The following CNTLN variants were observed in gnomAD, a reference collection of about 807,000 sequenced individuals.
The protein encoded by CNTLN is centlein, centrosomal protein.
Under a neutral mutation model 180.0 loss-of-function variants are expected in CNTLN, and 212 were observed. The observed-to-expected ratio is 1.18, with a 90% CI of 1.05 to 1.32. CNTLN has a LOEUF of 1.32. CNTLN is among the 40% of genes most tolerant of loss of function. CNTLN has a pLI of 0.00. For missense variants in CNTLN, 2,095 were observed against 1,610.9 expected (o/e 1.30, Z -5.14); for synonymous variants, 722 against 563.1 (o/e 1.28, Z -3.99).
chr9:17,264,100 A>T (rs984960006), intron 5 of CNTLN, among the ~76,000 whole-genome samples: 3 of 144,554 alleles, frequency 2.1e-5, no homozygotes, highest in Non-Finnish European at 4.5e-5. Context: ...TTGTTGTTTC[A>T]GACATGAAGT....
rs182613680 is a variant in CNTLN, at chr9:17,259,204, A to G, written c.850-14529A>G. Reference sequence around the variant, plus strand: ...ATGAAGGGTTGTTGAATTTTGTACAAAGGCCTTTTCTGCATCTATTGAGAT... The same window carrying G: ...ATGAAGGGTTGTTGAATTTTGTACAGAGGCCTTTTCTGCATCTATTGAGAT... On this transcript the variant is annotated intron_variant, in intron 5 of 25. Coordinates refer to ENST00000380647, the MANE Select transcript of CNTLN (RefSeq NM_017738.4). Among the ~76,000 whole-genome samples, 523 of 149,908 alleles carry G rather than the reference A, an allele frequency of 3.5e-3. 1 individual carries two copies. The highest frequency in any genetic ancestry group is 5.8e-3 in the Non-Finnish European group (394 of 67,892).
chr9:17,342,356 C>G lies in CNTLN; in HGVS notation c.1798C>G (p.Pro600Ala), dbSNP rs760091237. ...TEIRKIKRAD[P>A]QQLRQEDSDA... is the part of the protein sequence containing the mutation. Reference sequence around the variant, plus strand: ...AATCAGGAAAATAAAGAGAGCAGATCCCCAACAACTTCGACAAGAAGATTC... The same window carrying G: ...AATCAGGAAAATAAAGAGAGCAGATGCCCAACAACTTCGACAAGAAGATTC... The change falls in exon 12 of 26, where the codon CCC (proline) becomes GCC (alanine). Residue 600 changes from proline (P) to alanine (A), a missense_variant. Physicochemically the swap from Pro to Ala is conservative, Grantham distance 27. Coordinates refer to ENST00000380647, the MANE Select transcript of CNTLN (RefSeq NM_017738.4). 1 of 1,612,166 alleles carries G rather than the reference C, an allele frequency of 6.2e-7. No individual in the cohort carries two copies. The highest frequency in any genetic ancestry group is 2.2e-5 in the East Asian group (1 of 44,740).
chr9:17,509,852 A>G, the CNTLN span, among the ~76,000 whole-genome samples: 1 of 152,148 alleles, frequency 6.6e-6, no homozygotes, highest in Non-Finnish European at 1.5e-5. Flanking sequence ...AGATGCTTCC[A>G]CCAGGAGACA....
chr9:17,420,282 T>C (rs1828610947), intron 18 of CNTLN, among the ~76,000 whole-genome samples: 1 of 152,210 alleles, frequency 6.6e-6, no homozygotes, highest in African/African-American at 2.4e-5. Flanking sequence ...TTCTTCATGG[T>C]TCAATCTTGG....
intron 5 of CNTLN, among the ~76,000 whole-genome samples, chr9:17,263,501 A>G (rs1464691727): frequency 6.6e-6 from 1 of 151,390 alleles, no homozygotes; most frequent in Admixed American, 6.6e-5. Context: ...CACAATAAAC[A>G]TATGTGTGCA....
chr9:17,302,978 G>T (rs551391706), intron 7 of CNTLN, among the ~76,000 whole-genome samples: 5 of 152,226 alleles, frequency 3.3e-5, no homozygotes, highest in African/African-American at 9.6e-5. Context: ...AATAATAATA[G>T]TTAACATTTT....
intron 18 of CNTLN, among the ~76,000 whole-genome samples, chr9:17,456,772 T>C (rs1831145401): frequency 6.6e-6 from 1 of 152,134 alleles, no homozygotes; most frequent in Admixed American, 6.5e-5. Context: ...TGAGTTGTTA[T>C]GCCATTATAG....
In CNTLN at chr9:17,277,849, G is replaced by A. The variant is rs142164877; in HGVS notation, c.983+3983G>A. ...CTACAAATGTTGAGAAAAATAGAAG[G>A]TGTAATATATTCAGGGAAATATCAA... On this transcript the variant is annotated intron_variant, in intron 6 of 25. Transcript: ENST00000380647. 2.8e-4 allele frequency among the ~76,000 whole-genome samples: 43 copies of A among 152,176 alleles called. No homozygotes were observed. The East Asian group carries it at 7.1e-3, about 25-fold the overall frequency.
At chr9:17,140,434 A>G (rs1462858120) in intron 1 of CNTLN, among the ~76,000 whole-genome samples, 1 of 151,648 alleles carries the variant, frequency 6.6e-6, no homozygotes, top group Non-Finnish European at 1.5e-5. Flanking sequence ...TGTATGAGGT[A>G]ATGGTTATGT....
downstream of CNTLN, among the ~76,000 whole-genome samples, chr9:17,506,473 G>A (rs1204084244): frequency 6.6e-6 from 1 of 152,134 alleles, no homozygotes; most frequent in Non-Finnish European, 1.5e-5. Context: ...TTGGGGCTAT[G>A]GCTGCTATAA....
chr9:17,470,418 T>C (rs1296128406), intron 23 of CNTLN, among the ~76,000 whole-genome samples: 1 of 151,952 alleles, frequency 6.6e-6, no homozygotes, highest in Non-Finnish European at 1.5e-5. Context: ...ATATTATTAG[T>C]AGTATTAATA....
intron 13 of CNTLN, among the ~76,000 whole-genome samples, chr9:17,377,309 C>A (rs2133553296): frequency 6.6e-6 from 1 of 152,260 alleles, no homozygotes; most frequent in African/African-American, 2.4e-5. Context: ...ACTTTGCAGG[C>A]CGACGCAGGT....
rs917628789 is a variant in CNTLN at position 17,262,159 on chromosome 9, C to A, written c.850-11574C>A. ...AAATTAGTTCAACCATTGTGGAAGA[C>A]AGTGTGGCGATTCCTCAGGGATCTA... On this transcript the variant is annotated intron_variant, in intron 5 of 25. Transcript: ENST00000380647. 2.0e-5 allele frequency among the ~76,000 whole-genome samples: 3 copies of A among 151,654 alleles called. No individual in the cohort carries two copies. The South Asian group carries it at 6.2e-4, about 31-fold the overall frequency.
intron 2 of CNTLN, among the ~76,000 whole-genome samples, chr9:17,222,700 C>T (rs1466250219): frequency 6.6e-6 from 1 of 152,016 alleles, no homozygotes; most frequent in East Asian, 1.9e-4. Context: ...CAGACTAATA[C>T]ATTAATATTG....
chr9:17,268,881 G>T (rs983457896), intron 5 of CNTLN, among the ~76,000 whole-genome samples: 1 of 151,722 alleles, frequency 6.6e-6, no homozygotes, highest in African/African-American at 2.4e-5. Flanking sequence ...TTTTAATCCC[G>T]TCAGAAAAGT....
chr9:17,343,727 A>T (rs1448692853), intron 12 of CNTLN, among the ~76,000 whole-genome samples: 1 of 152,140 alleles, frequency 6.6e-6, no homozygotes, highest in African/African-American at 2.4e-5. Context: ...ATTCACTGGT[A>T]TATTCAGAGC....
chr9:17,226,393 G>A, intron 3 of CNTLN, 106 bp downstream of exon 3: 1 of 543,186 alleles, frequency 1.8e-6, no homozygotes, highest in South Asian at 3.6e-5. Flanking sequence ...AGAATATCAG[G>A]GTCCTTATGT....
intron 18 of CNTLN, among the ~76,000 whole-genome samples, chr9:17,450,341 A>C (rs1028868859): frequency 1.3e-5 from 2 of 152,202 alleles, no homozygotes; most frequent in Non-Finnish European, 2.9e-5. Flanking sequence ...GGCAATTAGC[A>C]GTAATTAGGA....
intron 8 of CNTLN, among the ~76,000 whole-genome samples, chr9:17,324,768 T>A (rs1820149492): frequency 6.6e-6 from 1 of 152,144 alleles, no homozygotes; most frequent in Non-Finnish European, 1.5e-5. Flanking sequence ...CATTTTATTT[T>A]GCTGTTAACA....
Sources: allele counts gnomAD v4.1 joint callset (sites outside exome capture counted in the v4.1 genomes callset), GRCh38; gene constraint gnomAD v4.1.1; transcripts MANE v1.5; gene names NCBI Gene and HGNC (gene_info 2026-07-23, HGNC 2026-07-21).